Variants in TBCK observed in about 807,000 individuals in gnomAD.
The protein encoded by TBCK is TBC domain-containing protein kinase-like protein.
In TBCK, 99 loss-of-function variants were observed where a neutral mutation model predicts 113.4. The observed-to-expected ratio is 0.87, with a 90% CI of 0.74 to 1.03. The LOEUF (loss-of-function observed/expected upper bound fraction) is 1.03, where lower values mean the gene tolerates loss of function less well. TBCK is among the 50% of genes least tolerant of loss of function. TBCK has a pLI of 0.00. For synonymous variants in TBCK, 369 were observed against 370.8 expected (o/e 1.00, Z 0.05); for missense variants, 1,045 against 1,061.3 (o/e 0.98, Z 0.21).
At chr4:106,308,732 G>C in intron 2 of TBCK, 36 bp downstream of exon 2, 3 of 1,565,988 alleles carry the variant, frequency 1.9e-6, no homozygotes, top group Non-Finnish European at 2.6e-6. Context: ...TAACAAAGTA[G>C]AGAACATAAA....
rs778242457 is a variant in TBCK at position 106,247,225 on chromosome 4, G to C, written c.845C>G (p.Pro282Arg). The change falls in exon 10 of 26, where the codon CCC becomes CGC. Residue 282 changes from proline to arginine, a missense_variant. By Grantham distance (103) the Pro-to-Arg change is moderately radical. Transcript: ENST00000394708. ...VFSEVSPLYT[P>R]FTKPASLFSS... Reference sequence around the variant, plus strand: ...AAACAGACTGGCAGGTTTGGTAAAGGGGGTATATAAAGGTGATACCTCACT... The same window carrying C: ...AAACAGACTGGCAGGTTTGGTAAAGCGGGTATATAAAGGTGATACCTCACT... 24 of 1,613,048 alleles carry C rather than the reference G, an allele frequency of 1.5e-5. No homozygotes were observed. In the Admixed American group the frequency reaches 2.0e-4, roughly 13 times the overall value.
intron 3 of TBCK, among the ~76,000 whole-genome samples, chr4:106,285,023 T>C (rs981655037): frequency 6.6e-6 from 1 of 152,118 alleles, no homozygotes; most frequent in Non-Finnish European, 1.5e-5. Context: ...TTTGACAATT[T>C]TATATTTTCA....
chr4:106,175,483 T>C (rs148512538), intron 22 of TBCK, among the ~76,000 whole-genome samples: 103 of 151,978 alleles, frequency 6.8e-4, no homozygotes, highest in Middle Eastern at 3.4e-3. Flanking sequence ...TCTGGGAACA[T>C]TGAGTTTTTC....
At chr4:106,186,316 T>C (rs967040852) in intron 22 of TBCK, among the ~76,000 whole-genome samples, 1 of 152,188 alleles carries the variant, frequency 6.6e-6, no homozygotes, top group African/African-American at 2.4e-5. Flanking sequence ...CAGAGTGCTT[T>C]TGACAGTGGC....
chr4:106,113,816 C>A (rs1743150831), intron 24 of TBCK, among the ~76,000 whole-genome samples: 1 of 152,170 alleles, frequency 6.6e-6, no homozygotes, highest in Admixed American at 6.5e-5. Flanking sequence ...ACTTTACCTG[C>A]AACCCTCACC....
intron 23 of TBCK, among the ~76,000 whole-genome samples, chr4:106,165,162 T>C (rs1750224270): frequency 6.6e-6 from 1 of 151,714 alleles, no homozygotes; most frequent in Non-Finnish European, 1.5e-5. Context: ...AAGTAGAGAT[T>C]TTCCCAAAAT....
chr4:106,149,539 T>C (rs1442733109), intron 23 of TBCK, among the ~76,000 whole-genome samples: 1 of 152,150 alleles, frequency 6.6e-6, no homozygotes, highest in African/African-American at 2.4e-5. Context: ...AATGGAGGAA[T>C]GGCTGGTTGG....
chr4:106,234,540 C>G (rs1005305221), intron 15 of TBCK, among the ~76,000 whole-genome samples: 2 of 152,068 alleles, frequency 1.3e-5, no homozygotes, highest in Non-Finnish European at 2.9e-5. Flanking sequence ...AACTCCTGGG[C>G]TCAAGTAATC....
chr4:106,281,727 C>A (rs111462469), intron 3 of TBCK, among the ~76,000 whole-genome samples: 4 of 151,998 alleles, frequency 2.6e-5, no homozygotes, highest in Non-Finnish European at 2.9e-5. Context: ...AATTGATTTG[C>A]GTATGTTGAA....
chr4:106,229,967 G>C (rs1223702580), intron 19 of TBCK, among the ~76,000 whole-genome samples: 1 of 151,796 alleles, frequency 6.6e-6, no homozygotes, highest in Non-Finnish European at 1.5e-5. Context: ...TGCATGCATG[G>C]GAAATGAGAT....
At chr4:106,203,449 A>C (rs1755102828) in intron 20 of TBCK, among the ~76,000 whole-genome samples, 1 of 151,858 alleles carries the variant, frequency 6.6e-6, no homozygotes, top group Non-Finnish European at 1.5e-5. Context: ...ATAATGTAAA[A>C]GATCCCTTGG....
intron 22 of TBCK, among the ~76,000 whole-genome samples, chr4:106,183,109 T>C (rs891140928): frequency 5.3e-5 from 8 of 152,076 alleles, no homozygotes; most frequent in African/African-American, 1.9e-4. Context: ...AATTCAATAA[T>C]ACTCTTTTAC....
At chr4:106,231,338 T>C (rs925952037) in intron 18 of TBCK, among the ~76,000 whole-genome samples, 1 of 151,810 alleles carries the variant, frequency 6.6e-6, no homozygotes, top group East Asian at 1.9e-4. Flanking sequence ...AAGTGCTTTA[T>C]GGGCTGAAGA....
chr4:106,224,723 G>A (rs566877135), intron 19 of TBCK, among the ~76,000 whole-genome samples: 8 of 152,104 alleles, frequency 5.3e-5, no homozygotes, highest in Admixed American at 6.5e-5. Flanking sequence ...TTTCCTACCC[G>A]ACAGATCAGA....
At chr4:106,154,486 A>G (rs1048748986) in intron 23 of TBCK, among the ~76,000 whole-genome samples, 1 of 152,152 alleles carries the variant, frequency 6.6e-6, no homozygotes, top group Non-Finnish European at 1.5e-5. Flanking sequence ...CTCATGTCAA[A>G]TTGTAATTCT....
At chr4:106,159,100 T>C (rs996585112) in intron 23 of TBCK, among the ~76,000 whole-genome samples, 6 of 150,476 alleles carry the variant, frequency 4.0e-5, no homozygotes, top group Non-Finnish European at 8.9e-5. Flanking sequence ...TCAAACTGTT[T>C]CATGATAAAA....
chr4:106,193,289 C>A (rs1213786436), intron 22 of TBCK, among the ~76,000 whole-genome samples: 1 of 152,132 alleles, frequency 6.6e-6, no homozygotes, highest in Non-Finnish European at 1.5e-5. Context: ...CTATACTTTC[C>A]ATCACTGAAG....
intron 3 of TBCK, among the ~76,000 whole-genome samples, chr4:106,278,379 G>A (rs954276661): frequency 2.0e-5 from 3 of 151,796 alleles, no homozygotes; most frequent in Admixed American, 6.6e-5. Context: ...GCAACATGGC[G>A]AAACCCCATC....
At chr4:106,106,397 C>G (rs754806082) in intron 24 of TBCK, among the ~76,000 whole-genome samples, 1 of 152,108 alleles carries the variant, frequency 6.6e-6, no homozygotes, top group Non-Finnish European at 1.5e-5. Context: ...AGAGAGAACT[C>G]GGGCAGGTCA....
Sources: gnomAD v4.1 joint callset for allele counts (sites outside exome capture counted in the v4.1 genomes callset) on GRCh38, gnomAD v4.1.1 for gene constraint, MANE v1.5 for transcripts, NCBI Gene and HGNC (gene_info 2026-07-23, HGNC 2026-07-21) for gene names.